The following VSIG10L variants were observed in gnomAD, a reference collection of about 807,000 sequenced individuals.
VSIG10L encodes V-set and immunoglobulin domain-containing protein 10-like.
VSIG10L carries 63 observed loss-of-function variants against 67.3 expected under a neutral mutation model. The ratio of observed to expected loss-of-function variants is 0.94; its 90% confidence interval spans 0.76 to 1.15. The LOEUF is 1.15. Ranked by LOEUF, VSIG10L falls within the 50% of genes most tolerant of loss-of-function variation. VSIG10L has a pLI of 0.00. For missense variants in VSIG10L, 1,050 were observed against 1,177.5 expected (o/e 0.89, Z 1.58); for synonymous variants, 499 against 524.9 (o/e 0.95, Z 0.67).
chr19:51,337,848 T>C, intron 6 of VSIG10L, 82 bp downstream of exon 6: 7 of 1,449,274 alleles, frequency 4.8e-6, no homozygotes, highest in Non-Finnish European at 6.4e-6. Flanking sequence ...GGAGGAGAGG[T>C]CTGGGGCCTG....
chr19:51,334,311 G>A lies in VSIG10L; in HGVS notation c.2306-7C>T, dbSNP rs111872099. The A allele has an allele frequency of 1.1e-3, 1,730 of 1,549,874 alleles. 16 individuals carry two copies. The African/African-American group carries it at 0.017, about 16-fold the overall frequency. ...CCATGGCTCAACGTGGGGCCTGGAA[G>A]AGACAAAGAGAAGAAAGAGAAGGGG... On this transcript the variant is annotated splice_polypyrimidine_tract_variant and splice_region_variant and intron_variant, in intron 7 of 9. Transcript: ENST00000335624.
In VSIG10L at chr19:51,340,273, C is replaced by G. The variant is rs1014781902; in HGVS notation, c.1216G>C (p.Val406Leu). The change falls in exon 4 of 10, where the codon GTC becomes CTC. Residue 406 changes from valine (V) to leucine (L), a missense_variant. Val to Leu is a conservative substitution (Grantham distance 32). Coordinates refer to ENST00000335624, the MANE Select transcript of VSIG10L (RefSeq NM_001163922.3). The surrounding 1 kb of genome is among the most constrained non-coding windows in gnomAD (Gnocchi z 6.3). ...GGCGCGGCGTCGCGGTCCGAGGAGACCGTGATGGTCGGCGGGTCCGGGCCG... is the reference window on the plus strand; with the variant it reads ...GGCGCGGCGTCGCGGTCCGAGGAGAGCGTGATGGTCGGCGGGTCCGGGCCG... ...FYGPDPPTIT[V>L]SSDRDAAPAR... The G allele has an allele frequency of 1.6e-5, 25 of 1,518,988 alleles. No individual in the cohort carries two copies. The highest frequency in any genetic ancestry group is 2.2e-5 in the Non-Finnish European group (25 of 1,140,178). The allele number at this position is 1,518,988 out of a possible 1,614,324, so 94.1% of individuals were successfully genotyped here. A position where few individuals can be genotyped will look rare whatever the true frequency, so the allele number is the denominator to read the frequency against.
At chr19:51,339,286 C>T (rs1985564916) in intron 4 of VSIG10L, 144 bp from the exon 5 acceptor site, 1 of 936,026 alleles carries the variant, frequency 1.1e-6, no homozygotes, top group African/African-American at 1.7e-5. Context: ...CGATCCCGTT[C>T]CCTTTTCCCA....
rs1405143291 is a variant in VSIG10L at position 51,341,393 on chromosome 19, G to A, written c.655C>T (p.Pro219Ser). ...CGCCAGACCACCAGAGAGGTGGGGG[G>A]CCCAGGGTTGGGGATTGGGACTAGG... ...LPLVPIPNPGPPTSLVVWRRG... is the reference protein window; with the variant it reads ...LPLVPIPNPGSPTSLVVWRRG... Residue 219 changes from proline to serine, a missense_variant, in exon 2 of 10, where the codon CCC becomes TCC. Coordinates refer to ENST00000335624, the MANE Select transcript of VSIG10L (RefSeq NM_001163922.3). 2 of 1,535,168 alleles carry A rather than the reference G, an allele frequency of 1.3e-6. No individual in the cohort carries two copies. Among genetic ancestry groups the A allele is most frequent in the South Asian group, 1.2e-5 (1 of 82,684 alleles).
rs1323968315 is a variant in VSIG10L, at chr19:51,342,139, T to C, written c.-15A>G. ...GGGTTGTCCATGGTGCTGGCCTCAC[T>C]GAAAGGACACTGGAGAGAGACCCAG... On this transcript the variant is annotated 5_prime_UTR_variant, in exon 1 of 10. Coordinates refer to ENST00000335624, the MANE Select transcript of VSIG10L (RefSeq NM_001163922.3). The surrounding 1 kb of genome is among the most constrained non-coding windows in gnomAD (Gnocchi z 4.4). 1 of 1,551,374 alleles carries C rather than the reference T, an allele frequency of 6.4e-7. No individual in the cohort carries two copies. The highest frequency in any genetic ancestry group is 8.7e-7 in the Non-Finnish European group (1 of 1,146,960).
intron 7 of VSIG10L, among the ~76,000 whole-genome samples, chr19:51,336,777 T>G (rs866448629): frequency 4.4e-5 from 6 of 137,324 alleles, no homozygotes; most frequent in African/African-American, 1.8e-4. Context: ...TTTTTTTTTT[T>G]TTTTTTTTGA....
rs1985526711 is a variant in VSIG10L, at chr19:51,337,943, C to A, written c.1995G>T (p.Gln665His). Residue 665 changes from glutamine to histidine, a missense_variant, in exon 6 of 10, where the codon CAG becomes CAT. Physicochemically the swap from Gln to His is conservative, Grantham distance 24 (BLOSUM62 0). Around this residue, in one of 3 missense-constraint regions of VSIG10L, gnomAD observed 529 missense variants for 584.9 expected, o/e 0.90. Coordinates refer to ENST00000335624, the MANE Select transcript of VSIG10L (RefSeq NM_001163922.3). Reference sequence around the variant, plus strand: ...AACGTGGCTCACCAATGAGGGTGATCTGGTCACCGCCAGCACCCAGCGCCC... The same window carrying A: ...AACGTGGCTCACCAATGAGGGTGATATGGTCACCGCCAGCACCCAGCGCCC... ...CSGALGAGGD[Q>H]ITLIGPSISS... 1 of 1,546,318 alleles carries A rather than the reference C, an allele frequency of 6.5e-7. No individual in the cohort carries two copies. The highest frequency in any genetic ancestry group is 1.2e-5 in the South Asian group (1 of 83,636).
At chr19:51,336,558 A>AAAGAAGAAGGAGAAGGAG (rs1444652449) in intron 7 of VSIG10L, among the ~76,000 whole-genome samples, 12 of 151,976 alleles carry the variant, frequency 7.9e-5, no homozygotes, top group African/African-American at 2.9e-4. Flanking sequence ...CCTTCTCAAA[A>AAAGAAGAAGGAGAAGGAG]AAGAAGAAGG....
chr19:51,339,976 T>C (rs1599834666), intron 4 of VSIG10L, 39 bp downstream of exon 4: 2 of 1,105,878 alleles, frequency 1.8e-6, no homozygotes, highest in Non-Finnish European at 2.2e-6. Context: ...GCCCCGCCCC[T>C]CTCCCAGGCA....
intron 6 of VSIG10L, 149 bp downstream of exon 6, chr19:51,337,781 G>T: frequency 9.1e-7 from 1 of 1,104,812 alleles, no homozygotes; most frequent in Admixed American, 2.9e-5. Flanking sequence ...AGGGGCTGAG[G>T]CCTGGACTCC....
chr19:51,338,610 C>T (rs1052659882), intron 5 of VSIG10L, among the ~76,000 whole-genome samples: 12 of 152,152 alleles, frequency 7.9e-5, no homozygotes, highest in African/African-American at 2.9e-4. Flanking sequence ...TTATTGCGCC[C>T]GGCCTTGTTA....
rs1336274261 is a variant in VSIG10L, at chr19:51,341,707, G to A, written c.341C>T (p.Pro114Leu). ...AATATCAGGAAATACTTCAGAACCA[G>A]GGGTTTCAGAGAAGGGGGAAACCGG... The part of the protein sequence containing the change: ...LSPVSPFSET[P>L]GSEVFPDISD... Residue 114 changes from proline (P) to leucine (L), a missense_variant, in exon 2 of 10, where the codon CCT becomes CTT. Physicochemically the swap from Pro to Leu is moderately conservative, Grantham distance 98. Around this residue, in one of 3 missense-constraint regions of VSIG10L, gnomAD observed 511 missense variants for 557.9 expected, o/e 0.92. Transcript: ENST00000335624. 2.6e-6 allele frequency: 4 copies of A among 1,551,540 alleles called. No individual in the cohort carries two copies. The African/African-American group carries it at 5.5e-5, about 21-fold the overall frequency.
rs1201648227 is a variant in VSIG10L at position 51,334,262 on chromosome 19, C to A, written c.2348G>T (p.Gly783Val). 1 of 1,551,620 alleles carries A rather than the reference C, an allele frequency of 6.4e-7. No homozygotes were observed. Among genetic ancestry groups the A allele is most frequent in the Non-Finnish European group, 8.7e-7 (1 of 1,147,022 alleles). Residue 783 changes from glycine to valine, a missense_variant, in exon 8 of 10, where the codon GGC (glycine) becomes GTC (valine). By Grantham distance (109) the Gly-to-Val change is moderately radical (BLOSUM62 -3). This residue lies in a region of VSIG10L where 529 missense variants were observed against 584.9 expected (regional missense o/e 0.90). Transcript: ENST00000335624. The stretch of plus-strand genomic sequence containing the variant: ...TAGCAGCGCCAGGCCCAGCAGGGAG[C>A]CCAGGACGATGCCAGCGATGGCCCC... Reference protein sequence around the residue: ...SHGAIAGIVLGSLLGLALLAV... With the variant: ...SHGAIAGIVLVSLLGLALLAV...
intron 4 of VSIG10L, chr19:51,339,775 C>T (rs1054738505): frequency 5.1e-5 from 21 of 412,822 alleles, no homozygotes; most frequent in Non-Finnish European, 7.7e-5. Context: ...CTATTTGGCT[C>T]CTTCCCTTAT....
Position 51,331,958 on chromosome 19 carries a change from A to C in VSIG10L, c.*653T>G, listed in dbSNP as rs1003250652. 1.3e-5 allele frequency: 2 copies of C among 152,608 alleles called. No individual in the cohort carries two copies. Among genetic ancestry groups the C allele is most frequent in the African/African-American group, 4.8e-5 (2 of 41,444 alleles). 9.5% of individuals were successfully genotyped at this position (152,608 alleles called of 1,614,324 possible). ...CTTGAGAAATGAATGACATATGGGA[A>C]AAAGAAGTGTTATAAGCACAGCAAA... On this transcript the variant is annotated 3_prime_UTR_variant, in exon 10 of 10. Coordinates refer to ENST00000335624, the MANE Select transcript of VSIG10L (RefSeq NM_001163922.3).
rs767518537 is a variant in VSIG10L, at chr19:51,341,857, T to C, written c.191A>G (p.Asp64Gly). Residue 64 changes from aspartate (D) to glycine (G), a missense_variant, in exon 2 of 10, where the codon GAT (aspartate) becomes GGT (glycine). Asp to Gly is a moderately conservative substitution (Grantham distance 94). Coordinates refer to ENST00000335624, the MANE Select transcript of VSIG10L (RefSeq NM_001163922.3). The part of the protein sequence containing the change: ...SIKPPSWKVP[D>G]QFLDSKASAG... ...AGAGGCTTTTGAATCCAGGAACTGA[T>C]CTGGAACTTTCCAGCTGGGAGGTTT... 1.3e-6 allele frequency: 2 copies of C among 1,551,610 alleles called. No homozygotes were observed. The highest frequency in any genetic ancestry group is 2.4e-5 in the South Asian group (2 of 84,046).
At position 51,337,548 on chromosome 19, in the gene VSIG10L, G is replaced by A; in HGVS notation, c.2009-14C>T. The A allele has an allele frequency of 6.7e-7, 1 of 1,502,740 alleles. No homozygotes were observed. The highest frequency in any genetic ancestry group is 1.3e-5 in the South Asian group (1 of 78,970). 93.1% of individuals were successfully genotyped at this position (1,502,740 alleles called of 1,614,324 possible). ...ATATGGAGGGTCCTAGAGGGATGTG[G>A]GGGTGGCTGGATTCTTGGGTGCCAG... On this transcript the variant is annotated splice_polypyrimidine_tract_variant and intron_variant, in intron 6 of 9. Transcript: ENST00000335624.
In VSIG10L at chr19:51,341,401, T is replaced by A. The variant is rs1225287836; in HGVS notation, c.647A>T (p.Asn216Ile). 6.5e-7 allele frequency: 1 copy of A among 1,532,326 alleles called. No homozygotes were observed. The highest frequency in any genetic ancestry group is 8.8e-7 in the Non-Finnish European group (1 of 1,139,560). The allele number at this position is 1,532,326 out of a possible 1,614,324, so 94.9% of individuals were successfully genotyped here. Residue 216 changes from asparagine (N) to isoleucine (I), a missense_variant, in exon 2 of 10, where the codon AAC (asparagine) becomes ATC (isoleucine). Physicochemically the swap from Asn to Ile is moderately radical, Grantham distance 149 (BLOSUM62 -3). This residue lies in a region of VSIG10L where 511 missense variants were observed against 557.9 expected (regional missense o/e 0.92). Transcript: ENST00000335624. ...TIRLPLVPIPNPGPPTSLVVW... is the reference protein window; with the variant it reads ...TIRLPLVPIPIPGPPTSLVVW... The stretch of plus-strand genomic sequence containing the variant: ...CACCAGAGAGGTGGGGGGCCCAGGG[T>A]TGGGGATTGGGACTAGGGGGAGCCG...
intron 9 of VSIG10L, 132 bp downstream of exon 9, chr19:51,333,659 G>A: frequency 2.7e-6 from 3 of 1,122,902 alleles, no homozygotes; most frequent in Non-Finnish European, 3.6e-6. Flanking sequence ...TTTTTAAAAA[G>A]GATAAAGTTA....
Sources: allele counts gnomAD v4.1 joint callset (sites outside exome capture counted in the v4.1 genomes callset), GRCh38; gene constraint gnomAD v4.1.1; regional missense constraint gnomAD v4.1.1; non-coding constraint Gnocchi (gnomAD v3.1); transcripts MANE v1.5; gene names NCBI Gene and HGNC (gene_info 2026-07-23, HGNC 2026-07-21).